Variants in TM7SF3 observed in about 807,000 individuals in gnomAD.
TM7SF3 encodes the protein transmembrane 7 superfamily member 3.
Under a neutral mutation model 65.5 loss-of-function variants are expected in TM7SF3, and 60 were observed. The ratio of observed to expected loss-of-function variants is 0.92; its 90% CI spans 0.74 to 1.14. The LOEUF is 1.14. Ranked by LOEUF, TM7SF3 falls within the 50% of genes most tolerant of loss-of-function variation. The probability of loss-of-function intolerance (pLI) is 0.00; values close to 1 mark genes in which losing one functional copy is unlikely to be tolerated. For synonymous variants in TM7SF3, 264 were observed against 259.6 expected (o/e 1.02, Z -0.16); for missense variants, 623 against 684.8 (o/e 0.91, Z 1.01).
chr12:26,991,174 C>A, intron 5 of TM7SF3, among the ~76,000 whole-genome samples: 1 of 119,974 alleles, frequency 8.3e-6, no homozygotes, highest in Admixed American at 1.1e-4. Flanking sequence ...GAGACGGAGT[C>A]TCGCTCTGTC....
intron 3 of TM7SF3, among the ~76,000 whole-genome samples, chr12:26,997,816 C>T (rs1371780033): frequency 2.8e-5 from 4 of 145,176 alleles, no homozygotes; most frequent in Admixed American, 7.5e-5. Context: ...CTGTAACTTA[C>T]CACTTCCTTT....
chr12:26,997,010 T>A (rs573183222), intron 3 of TM7SF3, 148 bp from the exon 4 acceptor site: 1 of 963,300 alleles, frequency 1.0e-6, no homozygotes, highest in Non-Finnish European at 1.5e-6. Flanking sequence ...TACTATTTCA[T>A]GAACTGAGGT....
intron 5 of TM7SF3, among the ~76,000 whole-genome samples, chr12:26,994,629 G>A (rs977917091): frequency 6.6e-6 from 1 of 152,206 alleles, no homozygotes; most frequent in Non-Finnish European, 1.5e-5. Context: ...TTACAGGCGT[G>A]AGCCACTGCA....
chr12:26,993,107 C>T (rs1289053334), intron 5 of TM7SF3, among the ~76,000 whole-genome samples: 2 of 151,784 alleles, frequency 1.3e-5, no homozygotes, highest in African/African-American at 2.4e-5. Flanking sequence ...GGTTTTGCCA[C>T]GTTGCCCAGG....
intron 1 of TM7SF3, among the ~76,000 whole-genome samples, chr12:27,004,285 C>G (rs569227873): frequency 7.2e-5 from 11 of 152,254 alleles, no homozygotes; most frequent in Admixed American, 6.5e-4. Flanking sequence ...ACCCCACCCC[C>G]CATCCTACAG....
intron 10 of TM7SF3, among the ~76,000 whole-genome samples, chr12:26,975,957 T>C (rs1285119329): frequency 6.6e-6 from 1 of 152,170 alleles, no homozygotes; most frequent in African/African-American, 2.4e-5. Context: ...CTGAAGCCAG[T>C]TGAAACTAAT....
At chr12:26,993,635 G>A (rs1162544561) in intron 5 of TM7SF3, among the ~76,000 whole-genome samples, 1 of 152,150 alleles carries the variant, frequency 6.6e-6, no homozygotes, top group Non-Finnish European at 1.5e-5. Context: ...ATCTAAGGAT[G>A]CTACTTAGAC....
intron 3 of TM7SF3, 114 bp from the exon 4 acceptor site, chr12:26,996,976 A>G (rs1436166347): frequency 1.8e-6 from 2 of 1,095,074 alleles, no homozygotes; most frequent in Non-Finnish European, 2.6e-6. Context: ...GAAGTTAAAT[A>G]TAAACGTAGA....
chr12:26,997,957 C>T (rs1260334768), intron 3 of TM7SF3, among the ~76,000 whole-genome samples: 1 of 151,664 alleles, frequency 6.6e-6, no homozygotes, highest in Non-Finnish European at 1.5e-5. Flanking sequence ...TCCTGAGTAC[C>T]TGGGATTGTA....
At chr12:26,974,326 A>G in intron 11 of TM7SF3, 99 bp from the exon 12 acceptor site, 2 of 1,307,302 alleles carry the variant, frequency 1.5e-6, no homozygotes, top group Non-Finnish European at 2.1e-6. Flanking sequence ...ATTCCTTTCT[A>G]ATAGACTTTC....
rs1428212045 is a variant in TM7SF3, at chr12:26,980,004, C to G, written c.1037-68G>C. On this transcript the variant is annotated intron_variant, in intron 8 of 11. Transcript: ENST00000343028. ...CTTCCAACCGCGTGCCTTAGACATA[C>G]AATACCGTTACCAGTGCCAGCTTCA... The G allele has an allele frequency of 1.1e-5, 18 of 1,581,174 alleles. No individual in the cohort carries two copies. In the Admixed American group the frequency reaches 2.1e-4, roughly 18 times the overall value.
chr12:26,981,495 T>C lies in TM7SF3; in HGVS notation c.956-849A>G, dbSNP rs59133066. Among the ~76,000 whole-genome samples the C allele has an allele frequency of 3.6e-3, 547 of 151,750 alleles. 1 individual carries two copies. Among genetic ancestry groups the C allele is most frequent in the African/African-American group, 0.013 (524 of 41,358 alleles). Reference sequence around the variant, plus strand: ...CTGCACTCCAGCCTAGGAGACACAGTGAGACTCCATCTCTTTAAAAAGAAA... The same window carrying C: ...CTGCACTCCAGCCTAGGAGACACAGCGAGACTCCATCTCTTTAAAAAGAAA... On this transcript the variant is annotated intron_variant, in intron 7 of 11. Transcript: ENST00000343028.
At position 27,003,278 on chromosome 12, in the gene TM7SF3, T is replaced by G. The variant is rs112106614; in HGVS notation, c.204A>C (p.Gln68His). The change falls in exon 2 of 12, where the codon CAA (glutamine) becomes CAC (histidine). Residue 68 changes from glutamine to histidine, a missense_variant. By Grantham distance (24) the Gln-to-His change is conservative. Transcript: ENST00000343028. ...TTGTATTCTGATACTGTGAGTGTAT[T>G]TGGAAAATAAGAAAAGTCACATTGC... ...ISSNVTFLIFQIHSQYQNTTV... is the reference protein window; with the variant it reads ...ISSNVTFLIFHIHSQYQNTTV... 1.2e-5 allele frequency: 19 copies of G among 1,613,346 alleles called. No homozygotes were observed. Among genetic ancestry groups the G allele is most frequent in the Non-Finnish European group, 1.5e-5 (18 of 1,179,516 alleles).
At chr12:27,008,780 C>A (rs1330572451) in intron 1 of TM7SF3, among the ~76,000 whole-genome samples, 1 of 152,064 alleles carries the variant, frequency 6.6e-6, no homozygotes, top group Admixed American at 6.5e-5. Flanking sequence ...CCTGTAGTAC[C>A]CCATGTTCTC....
chr12:26,976,490 T>C (rs767299282), intron 9 of TM7SF3, 133 bp from the exon 10 acceptor site: 14 of 635,854 alleles, frequency 2.2e-5, no homozygotes, highest in Admixed American at 5.7e-5. Flanking sequence ...CAACTAGAAA[T>C]GAATTCTAAT....
At chr12:27,008,299 G>T (rs939357542) in intron 1 of TM7SF3, among the ~76,000 whole-genome samples, 16 of 152,126 alleles carry the variant, frequency 1.1e-4, no homozygotes, top group African/African-American at 3.9e-4. Flanking sequence ...TGGGTGTTAA[G>T]AAACCTTTGC....
intron 1 of TM7SF3, among the ~76,000 whole-genome samples, chr12:27,011,640 T>C (rs1338291544): frequency 6.6e-6 from 1 of 152,244 alleles, no homozygotes; most frequent in Non-Finnish European, 1.5e-5. Context: ...CCAGCCATTT[T>C]CTAGGAGGAT....
At chr12:26,987,833 G>GTT in intron 6 of TM7SF3, among the ~76,000 whole-genome samples, 3 of 152,154 alleles carry the variant, frequency 2.0e-5, no homozygotes, top group Admixed American at 2.0e-4. Context: ...AACTTGGCAA[G>GTT]ACACCAATAA....
Position 26,974,014 on chromosome 12 carries a change from A to G in TM7SF3, c.1664T>C (p.Leu555Pro). The part of the protein sequence containing the change: ...LYGRLTQIKG[L>P]FQKEQPAGER... ...TCCAGCTGGCTGCTCCTTCTGGAAG[A>G]GCCCTTTAATCTGGGTTAATCGGCC... The change falls in exon 12 of 12, where the codon CTC becomes CCC. Residue 555 changes from leucine (L) to proline (P), a missense_variant. By Grantham distance (98) the Leu-to-Pro change is moderately conservative (BLOSUM62 -3). Coordinates refer to ENST00000343028, the MANE Select transcript of TM7SF3 (RefSeq NM_016551.3). The G allele has an allele frequency of 6.2e-7, 1 of 1,614,182 alleles. No individual in the cohort carries two copies. The highest frequency in any genetic ancestry group is 8.5e-7 in the Non-Finnish European group (1 of 1,180,046).
Sources: allele counts gnomAD v4.1 joint callset (sites outside exome capture counted in the v4.1 genomes callset), GRCh38; gene constraint gnomAD v4.1.1; transcripts MANE v1.5; gene names NCBI Gene and HGNC (gene_info 2026-07-23, HGNC 2026-07-21).